The following ARPP21 variants were observed in gnomAD, a reference collection of about 807,000 sequenced individuals.
ARPP21 encodes cAMP-regulated phosphoprotein 21.
A neutral mutation model predicts 113.2 loss-of-function variants in ARPP21; 69 were observed. That is an observed-to-expected ratio of 0.61 (90% CI 0.50 to 0.74). The LOEUF (loss-of-function observed/expected upper bound fraction) is 0.74. Ranked by LOEUF, ARPP21 falls within the 30% of genes least tolerant of loss-of-function variation. The probability of loss-of-function intolerance (pLI) is 0.00; values close to 1 mark genes in which losing one functional copy is unlikely to be tolerated. For missense variants in ARPP21, 1,070 were observed against 1,037.4 expected, an observed-to-expected ratio of 1.03 and a Z score of -0.43; for synonymous variants, 368 against 375.5, an observed-to-expected ratio of 0.98 and a Z score of 0.23.
intron 19 of ARPP21, among the ~76,000 whole-genome samples, chr3:35,747,827 G>C (rs1576574021): frequency 6.6e-6 from 1 of 151,784 alleles, no homozygotes; most frequent in Non-Finnish European, 1.5e-5. Flanking sequence ...TGAGAGGATT[G>C]CTTGAGCCTG....
intron 15 of ARPP21, among the ~76,000 whole-genome samples, chr3:35,733,525 C>T (rs1002516140): frequency 5.9e-5 from 9 of 152,162 alleles, no homozygotes; most frequent in African/African-American, 1.9e-4. Context: ...CTAACTAGGC[C>T]GAGGGCCAGC....
At chr3:35,735,391 G>A (rs138578318) in intron 15 of ARPP21, among the ~76,000 whole-genome samples, 2 of 152,222 alleles carry the variant, frequency 1.3e-5, no homozygotes, top group African/African-American at 4.8e-5. Context: ...AGGATTATAG[G>A]CATGAGCCAC....
At chr3:35,703,254 T>G (rs1287021902) in intron 9 of ARPP21, among the ~76,000 whole-genome samples, 1 of 151,772 alleles carries the variant, frequency 6.6e-6, no homozygotes, top group Non-Finnish European at 1.5e-5. Flanking sequence ...TAATAATGAG[T>G]GCTCATCTAT....
intron 9 of ARPP21, among the ~76,000 whole-genome samples, chr3:35,700,618 G>A (rs1280230350): frequency 6.6e-6 from 1 of 151,618 alleles, no homozygotes; most frequent in Non-Finnish European, 1.5e-5. Context: ...TTAGTACCCT[G>A]GAGCTGAAGA....
At chr3:35,658,188 G>C (rs890035336) in intron 1 of ARPP21, among the ~76,000 whole-genome samples, 1 of 152,078 alleles carries the variant, frequency 6.6e-6, no homozygotes, top group African/African-American at 2.4e-5. Context: ...ATTGGGCATG[G>C]TGATGGCAGG....
At chr3:35,694,798 T>C (rs2083345248) in intron 9 of ARPP21, among the ~76,000 whole-genome samples, 1 of 150,848 alleles carries the variant, frequency 6.6e-6, no homozygotes, top group African/African-American at 2.4e-5. Context: ...AATGGTATCA[T>C]TAAGTAACAG....
chr3:35,667,911 AAGGAGGAGG>A (rs143034102), intron 1 of ARPP21, among the ~76,000 whole-genome samples: 2 of 80,326 alleles, frequency 2.5e-5, no homozygotes, highest in African/African-American at 6.7e-5. Flanking sequence ...GAGGAAGAGG[AAGGAGGAGG>A]AGGAGGAGGA....
At chr3:35,715,561 A>G in intron 12 of ARPP21, 85 bp downstream of exon 12, 1 of 1,094,858 alleles carries the variant, frequency 9.1e-7, no homozygotes, top group Non-Finnish European at 1.4e-6. Flanking sequence ...TATATCCCAT[A>G]TATGTGTGTG....
At chr3:35,742,577 C>A (rs1489137275) in intron 18 of ARPP21, among the ~76,000 whole-genome samples, 4 of 152,320 alleles carry the variant, frequency 2.6e-5, no homozygotes, top group African/African-American at 9.6e-5. Flanking sequence ...TATAATTCAT[C>A]ATGATTCCAT....
intron 1 of ARPP21, chr3:35,641,728 A>G (rs968843184): frequency 7.2e-5 from 11 of 152,220 alleles, no homozygotes; most frequent in African/African-American, 2.6e-4. Context: ...TTGATCCTAT[A>G]TTTCCTTTGT....
intron 1 of ARPP21, among the ~76,000 whole-genome samples, chr3:35,657,936 G>T (rs1425549367): frequency 6.6e-6 from 1 of 152,096 alleles, no homozygotes; most frequent in Non-Finnish European, 1.5e-5. Flanking sequence ...TTGATTCTCA[G>T]TTTTAAGATT....
At chr3:35,785,476 C>A (rs1235910665) in intron 19 of ARPP21, among the ~76,000 whole-genome samples, 1 of 151,768 alleles carries the variant, frequency 6.6e-6, no homozygotes, top group East Asian at 1.9e-4. Context: ...TTCCTCTAGT[C>A]ATTTAACAAT....
chr3:35,777,807 G>A (rs899000779), intron 19 of ARPP21, among the ~76,000 whole-genome samples: 2 of 152,138 alleles, frequency 1.3e-5, no homozygotes, highest in Admixed American at 6.5e-5. Context: ...TACTGCTTGA[G>A]ATGAATCATA....
chr3:35,748,087 A>AAAGAAAGG (rs2095215395), intron 19 of ARPP21, among the ~76,000 whole-genome samples: 1 of 128,704 alleles, frequency 7.8e-6, no homozygotes, highest in Admixed American at 7.6e-5. Context: ...AGAAAGAAAG[A>AAAGAAAGG]AAGAAAGAAA....
At chr3:35,670,123 T>G (rs2075956499) in intron 1 of ARPP21, among the ~76,000 whole-genome samples, 2 of 152,144 alleles carry the variant, frequency 1.3e-5, no homozygotes, top group African/African-American at 4.8e-5. Context: ...TCACAGAGAT[T>G]ATACCAGCAT....
At chr3:35,783,871 A>C (rs1402724325) in intron 19 of ARPP21, among the ~76,000 whole-genome samples, 1 of 152,148 alleles carries the variant, frequency 6.6e-6, no homozygotes, top group East Asian at 1.9e-4. Context: ...TGCCCTTTGC[A>C]CATGCTGATC....
chr3:35,666,625 T>C (rs1039852915), intron 1 of ARPP21, among the ~76,000 whole-genome samples: 2 of 151,578 alleles, frequency 1.3e-5, no homozygotes, highest in Admixed American at 6.6e-5. Flanking sequence ...ATTCCTTTTA[T>C]TGCACATTTT....
In ARPP21 at chr3:35,748,511, G is replaced by A. The variant is rs76943630; in HGVS notation, c.2137+4546G>A. 4.0e-3 allele frequency among the ~76,000 whole-genome samples: 613 copies of A among 151,498 alleles called. 9 individuals are homozygous for A. The highest frequency in any genetic ancestry group is 0.014 in the African/African-American group (587 of 41,316). Reference sequence around the variant, plus strand: ...GGGAAGGAAGGAAGAAAGGAAGGAAGGAAAGAAAGAGGAAAGAAAAGCAGT... The same window carrying A: ...GGGAAGGAAGGAAGAAAGGAAGGAAAGAAAGAAAGAGGAAAGAAAAGCAGT... On this transcript the variant is annotated intron_variant, in intron 19 of 20. Transcript: ENST00000684406.
chr3:35,681,493 G>T lies in ARPP21; in HGVS notation c.-38-221G>T. The T allele has an allele frequency of 1.1e-5, 4 of 360,960 alleles. No individual in the cohort carries two copies. The South Asian group carries it at 2.6e-4, about 24-fold the overall frequency. 22.4% of individuals were successfully genotyped at this position (360,960 alleles called of 1,614,324 possible). ...TTTGTCGACCCATTTTGATGGCAAG[G>T]TGTATTCACAAGTGTGTGTAAAGGG... On this transcript the variant is annotated intron_variant, in intron 2 of 20. Coordinates refer to ENST00000684406, the MANE Select transcript of ARPP21 (RefSeq NM_001385562.1).
Sources: allele counts gnomAD v4.1 joint callset (sites outside exome capture counted in the v4.1 genomes callset), GRCh38; gene constraint gnomAD v4.1.1; transcripts MANE v1.5; gene names NCBI Gene and HGNC (gene_info 2026-07-23, HGNC 2026-07-21).